The following NECAB2 variants were observed in gnomAD, a reference collection of about 807,000 sequenced individuals.
NECAB2 encodes N-terminal EF-hand calcium-binding protein 2.
A neutral mutation model predicts 51.9 loss-of-function variants in NECAB2; 68 were observed. The ratio of observed to expected loss-of-function variants is 1.31; its 90% CI spans 1.08 to 1.60. The LOEUF (loss-of-function observed/expected upper bound fraction) is 1.60, where lower values mean the gene tolerates loss of function less well. Ranked by LOEUF, NECAB2 falls within the 40% of genes most tolerant of loss-of-function variation. NECAB2 has a pLI of 0.00. For synonymous variants in NECAB2, 329 were observed against 203.5 expected, an observed-to-expected ratio of 1.62 and a Z score of -5.25; for missense variants, 854 against 490.3, an observed-to-expected ratio of 1.74 and a Z score of -7.00.
chr16:83,968,914 C>T lies in NECAB2; in HGVS notation c.201+65C>T, dbSNP rs2084319220. On this transcript the variant is annotated intron_variant, in intron 1 of 12. Transcript: ENST00000305202. ...CTGGGACCCGGAGCCCCCTCCGCCC[C>T]TCGGGCGGACCCCGACGCCGCGACC... The T allele has an allele frequency of 5.0e-6, 5 of 991,630 alleles. No individual in the cohort carries two copies. The South Asian group carries it at 2.4e-4, about 47-fold the overall frequency. The allele number at this position is 991,630 out of a possible 1,614,324, so 61.4% of individuals were successfully genotyped here.
At position 83,999,866 on chromosome 16, in the gene NECAB2, T is replaced by G. The variant is rs1161912065; in HGVS notation, c.963-858T>G. Among the ~76,000 whole-genome samples, 5 of 144,434 alleles carry G rather than the reference T, an allele frequency of 3.5e-5. No homozygotes were observed. In the East Asian group the frequency reaches 9.8e-4, roughly 28 times the overall value. The allele number at this position is 144,434 out of a possible 152,430, so 94.8% of individuals were successfully genotyped here. On this transcript the variant is annotated intron_variant, in intron 10 of 12. Coordinates refer to ENST00000305202, the MANE Select transcript of NECAB2 (RefSeq NM_019065.3). ...GGAAGAAGAGGGAAGATGCTTTGATTTTTAAAGGTTTTTTGATTTTTAAAG... is the reference window on the plus strand; with the variant it reads ...GGAAGAAGAGGGAAGATGCTTTGATGTTTAAAGGTTTTTTGATTTTTAAAG...
intron 5 of NECAB2, among the ~76,000 whole-genome samples, chr16:83,983,739 C>G (rs1377898188): frequency 1.3e-5 from 2 of 152,102 alleles, no homozygotes; most frequent in African/African-American, 2.4e-5. Context: ...AGAATTTTAT[C>G]TCTGTCTCCA....
intron 6 of NECAB2, among the ~76,000 whole-genome samples, chr16:83,993,157 C>A (rs2084648187): frequency 6.6e-6 from 1 of 152,304 alleles, no homozygotes; most frequent in East Asian, 1.9e-4. Flanking sequence ...TGAGGACTAT[C>A]CTGTTTCCCA....
chr16:83,978,460 C>T lies in NECAB2; in HGVS notation c.243C>T (p.Ser81=), dbSNP rs76006407. 1.5e-4 allele frequency: 236 copies of T among 1,613,886 alleles called. 1 individual carries two copies. The African/African-American group carries it at 2.9e-3, about 20-fold the overall frequency. The change falls in exon 3 of 13, where the codon TCC becomes TCT. Residue 81 remains serine (S), a synonymous_variant. Transcript: ENST00000305202. ...RADKNDDGKL[S]LEEFQLFFAD... ...TCCTTGCAGATGATGGGAAGCTGTC[C>T]TTGGAGGAATTCCAGCTCTTCTTTG...
chr16:83,981,520 A>G (rs1331038453), intron 5 of NECAB2, among the ~76,000 whole-genome samples: 1 of 152,080 alleles, frequency 6.6e-6, no homozygotes, highest in Non-Finnish European at 1.5e-5. Context: ...ACCCTGTCCC[A>G]TATCAGGTTC....
intron 5 of NECAB2, among the ~76,000 whole-genome samples, chr16:83,989,899 T>C (rs886936086): frequency 1.3e-5 from 2 of 152,190 alleles, no homozygotes; most frequent in African/African-American, 4.8e-5. Flanking sequence ...GCCACCTCCT[T>C]TTGATTACTA....
Position 84,002,480 on chromosome 16 carries a change from T to G in NECAB2, c.*134T>G. ...TCCTCCACAAGAAGGTGTTTCCCTG[T>G]TGTTAAGTGAAGGAGGCCGCCCCTG... is the stretch of plus-strand genomic sequence containing the variant. On this transcript the variant is annotated 3_prime_UTR_variant, in exon 13 of 13. Coordinates refer to ENST00000305202, the MANE Select transcript of NECAB2 (RefSeq NM_019065.3). 1 of 1,260,696 alleles carries G rather than the reference T, an allele frequency of 7.9e-7. No homozygotes were observed. The allele number at this position is 1,260,696 out of a possible 1,614,324, so 78.1% of individuals were successfully genotyped here.
rs113739465 is a variant in NECAB2, at chr16:84,002,109, C to T, written c.1132+193C>T. The stretch of plus-strand genomic sequence containing the variant: ...CAGGTATGCCTGCCAGAGCTTGCAC[C>T]AGAGCACCCCCTCCACGGCCCCCTA... On this transcript the variant is annotated intron_variant, in intron 12 of 12. Coordinates refer to ENST00000305202, the MANE Select transcript of NECAB2 (RefSeq NM_019065.3). 8.9e-3 allele frequency among the ~76,000 whole-genome samples: 1,353 copies of T among 152,318 alleles called. 18 individuals carry two copies. Among genetic ancestry groups the T allele is most frequent in the African/African-American group, 0.03 (1,247 of 41,556 alleles).
intron 11 of NECAB2, among the ~76,000 whole-genome samples, chr16:84,001,359 C>T (rs977687979): frequency 6.6e-6 from 1 of 152,078 alleles, no homozygotes; most frequent in African/African-American, 2.4e-5. Context: ...ATGCCCCCAT[C>T]TCCTGCTTCC....
chr16:83,998,691 C>T lies in NECAB2; in HGVS notation c.962+374C>T, dbSNP rs77127061. ...CTCAGCTGCTGCTGTCACAGGGGTT[C>T]CTGCACACTTAAGTCCAGGCCCAGA... On this transcript the variant is annotated intron_variant, in intron 10 of 12. Transcript: ENST00000305202. 3.8e-3 allele frequency among the ~76,000 whole-genome samples: 580 copies of T among 152,298 alleles called. 4 individuals carry two copies. Among genetic ancestry groups the T allele is most frequent in the African/African-American group, 0.014 (562 of 41,562 alleles).
intron 10 of NECAB2, among the ~76,000 whole-genome samples, chr16:83,999,308 C>G (rs1307256697): frequency 6.6e-6 from 1 of 152,106 alleles, no homozygotes; most frequent in Admixed American, 6.5e-5. Context: ...GGACAGACTG[C>G]ACAGGAGCAG....
At chr16:83,967,900 G>A (rs967555608), upstream of NECAB2, among the ~76,000 whole-genome samples, 1 of 150,308 alleles carries the variant, frequency 6.7e-6, no homozygotes, top group Non-Finnish European at 1.5e-5. Flanking sequence ...ATGGATGGAC[G>A]GACAGTCGGC....
intron 5 of NECAB2, among the ~76,000 whole-genome samples, chr16:83,985,694 G>A (rs1223212843): frequency 1.3e-5 from 2 of 151,690 alleles, no homozygotes; most frequent in Non-Finnish European, 2.9e-5. Context: ...TTAATGTGTA[G>A]TATTTTCAAC....
rs539252486 is a variant in NECAB2 at position 83,996,999 on chromosome 16, C to T, written c.796-217C>T. Among the ~76,000 whole-genome samples, 5 of 152,208 alleles carry T rather than the reference C, an allele frequency of 3.3e-5. No homozygotes were observed. The East Asian group carries it at 7.7e-4, about 24-fold the overall frequency. ...ACTCAGGCCTCTGGAGTCCCCCTTG[C>T]TGCCTCTCCCAAGCCATCCTCACCC... is the stretch of plus-strand genomic sequence containing the variant. On this transcript the variant is annotated intron_variant, in intron 8 of 12. Transcript: ENST00000305202.
chr16:83,990,228 T>C (rs1250005599), intron 5 of NECAB2, among the ~76,000 whole-genome samples: 1 of 152,224 alleles, frequency 6.6e-6, no homozygotes, highest in East Asian at 1.9e-4. Context: ...GTAAGATAGA[T>C]GCTTCAGTGA....
intron 5 of NECAB2, among the ~76,000 whole-genome samples, chr16:83,985,147 T>C (rs959527596): frequency 2.0e-5 from 3 of 151,110 alleles, no homozygotes; most frequent in South Asian, 2.1e-4. Flanking sequence ...ACCCTGTCTG[T>C]ACTAAAAATA....
At chr16:83,980,573 C>A (rs567960163) in intron 3 of NECAB2, among the ~76,000 whole-genome samples, 2 of 152,126 alleles carry the variant, frequency 1.3e-5, no homozygotes, top group African/African-American at 4.8e-5. Context: ...TTGGCCCTCC[C>A]CTTGGTGTCA....
rs73246987 is a variant in NECAB2, at chr16:83,983,514, C to A, written c.459+2387C>A. Among the ~76,000 whole-genome samples the A allele has an allele frequency of 6.5e-3, 982 of 152,178 alleles. 7 individuals are homozygous for A. The highest frequency in any genetic ancestry group is 0.022 in the African/African-American group (902 of 41,488). ...ATGTTGGAGAAATATTTTTGCATTC[C>A]CTTTTTTCCATTTTGTCTTAGGAGG... On this transcript the variant is annotated intron_variant, in intron 5 of 12. Transcript: ENST00000305202.
intron 10 of NECAB2, among the ~76,000 whole-genome samples, 176 bp downstream of exon 10, chr16:83,998,493 C>G (rs971679174): frequency 1.8e-4 from 27 of 152,108 alleles, no homozygotes; most frequent in Non-Finnish European, 7.4e-5. Context: ...CCCAGCCAAG[C>G]AAATGTGGCA....
Sources: allele counts gnomAD v4.1 joint callset (sites outside exome capture counted in the v4.1 genomes callset), GRCh38; gene constraint gnomAD v4.1.1; transcripts MANE v1.5; gene names NCBI Gene and HGNC (gene_info 2026-07-23, HGNC 2026-07-21).